Variants in ASB18 observed in about 807,000 individuals in gnomAD.
ASB18 encodes ankyrin repeat and SOCS box protein 18.
In ASB18, 33 loss-of-function variants were observed where a neutral mutation model predicts 33.4. That is an observed-to-expected ratio of 0.99 (90% CI 0.75 to 1.32). ASB18 has a LOEUF of 1.32. ASB18 is among the 40% of genes most tolerant of loss of function. The pLI is 0.00. For missense variants in ASB18, 694 were observed against 655.5 expected, an observed-to-expected ratio of 1.06 and a Z score of -0.64; for synonymous variants, 295 against 307.6, an observed-to-expected ratio of 0.96 and a Z score of 0.43.
rs1359729520 is a variant in ASB18 at position 236,223,552 on chromosome 2, T to A, written c.597-8686A>T. Among the ~76,000 whole-genome samples, 2 of 152,258 alleles carry A rather than the reference T, an allele frequency of 1.3e-5. No individual in the cohort carries two copies. The highest frequency in any genetic ancestry group is 2.9e-5 in the Non-Finnish European group (2 of 68,048). On this transcript the variant is annotated intron_variant, in intron 3 of 5. Transcript: ENST00000409749. The surrounding 1 kb of genome is among the most constrained non-coding windows in gnomAD (Gnocchi z 4.6). ...ATGTATATTTTAATACAATAACTTC[T>A]GTGAGGTACACACGCAGAAATGCAC...
At position 236,259,473 on chromosome 2, in the gene ASB18, G is replaced by T. The variant is rs2106287413; in HGVS notation, c.205+4668C>A. The T allele has an allele frequency of 2.1e-6, 1 of 469,370 alleles. No individual in the cohort carries two copies. The highest frequency in any genetic ancestry group is 1.6e-5 in the South Asian group (1 of 64,376). The allele number at this position is 469,370 out of a possible 1,614,324, so 29.1% of individuals were successfully genotyped here. A position where few individuals can be genotyped will look rare whatever the true frequency, so the allele number is the denominator to read the frequency against. ...TAGCAAGGCCATGCACTTCCGTAAT[G>T]GATGGAGACTAAGGGCTTTATGCTT... On this transcript the variant is annotated intron_variant, in intron 1 of 5. Coordinates refer to ENST00000409749, the MANE Select transcript of ASB18 (RefSeq NM_212556.4). The surrounding 1 kb of genome is among the most constrained non-coding windows in gnomAD (Gnocchi z 4.4).
rs1270238414 is a variant in ASB18, at chr2:236,257,126, A to T, written c.205+7015T>A. ...CGCATAATTGAGTCTGTTAGCAAGGACTTTAGCAAGAATTTTGCAATCAGC... is the reference window on the plus strand; with the variant it reads ...CGCATAATTGAGTCTGTTAGCAAGGTCTTTAGCAAGAATTTTGCAATCAGC... On this transcript the variant is annotated intron_variant, in intron 1 of 5. Coordinates refer to ENST00000409749, the MANE Select transcript of ASB18 (RefSeq NM_212556.4). This position sits in a 1 kb window ranked among gnomAD's most constrained non-coding sequence, Gnocchi z 5.5. Among the ~76,000 whole-genome samples, 1 of 152,250 alleles carries T rather than the reference A, an allele frequency of 6.6e-6. No individual in the cohort carries two copies. Among genetic ancestry groups the T allele is most frequent in the Admixed American group, 6.5e-5 (1 of 15,294 alleles).
rs1008739270 is a variant in ASB18, at chr2:236,248,259, A to G, written c.206-6857T>C. ...GAGCCCACCTGGTAGTTTCAGGCAT[A>G]ATGGGTTGGAGGTGCAGCCTGGGCA... is the stretch of plus-strand genomic sequence containing the variant. On this transcript the variant is annotated intron_variant, in intron 1 of 5. Transcript: ENST00000409749. This position sits in a 1 kb window ranked among gnomAD's most constrained non-coding sequence, Gnocchi z 4.9. 31 of 152,204 alleles carry G rather than the reference A, an allele frequency of 2.0e-4. No individual in the cohort carries two copies. The highest frequency in any genetic ancestry group is 7.2e-4 in the African/African-American group (30 of 41,450). 9.4% of individuals were successfully genotyped at this position (152,204 alleles called of 1,614,324 possible).
Position 236,208,742 on chromosome 2 carries a change from GCC to G in ASB18, c.1101+5618_1101+5619del, listed in dbSNP as rs1348553925. 2.0e-5 allele frequency among the ~76,000 whole-genome samples: 3 copies of G among 152,080 alleles called. No homozygotes were observed. Among genetic ancestry groups the G allele is most frequent in the African/African-American group, 7.2e-5 (3 of 41,408 alleles). On this transcript the variant is annotated intron_variant, in intron 4 of 5. Coordinates refer to ENST00000409749, the MANE Select transcript of ASB18 (RefSeq NM_212556.4). The surrounding 1 kb of genome is among the most constrained non-coding windows in gnomAD (Gnocchi z 7.7). ...TGCCCCTCCCCGTCCTCTGCATCGTGCCCCCTCATGTTTGCCAGGCAGCTGGC... is the reference window on the plus strand; with the variant it reads ...TGCCCCTCCCCGTCCTCTGCATCGTGCCCTCATGTTTGCCAGGCAGCTGGC...
rs531689898 is a variant in ASB18, at chr2:236,213,818, T to C, written c.1101+544A>G. On this transcript the variant is annotated intron_variant, in intron 4 of 5. Coordinates refer to ENST00000409749, the MANE Select transcript of ASB18 (RefSeq NM_212556.4). This position sits in a 1 kb window ranked among gnomAD's most constrained non-coding sequence, Gnocchi z 4.8. ...GTAGAGGGAGAATATCACCTGCCTCTCGTGTTTCACTGCAATGTGGTGAGG... is the reference window on the plus strand; with the variant it reads ...GTAGAGGGAGAATATCACCTGCCTCCCGTGTTTCACTGCAATGTGGTGAGG... 38 of 155,058 alleles carry C rather than the reference T, an allele frequency of 2.5e-4. No homozygotes were observed. Among genetic ancestry groups the C allele is most frequent in the African/African-American group, 9.1e-4 (38 of 41,582 alleles). 9.6% of individuals were successfully genotyped at this position (155,058 alleles called of 1,614,324 possible).
In ASB18 at chr2:236,203,273, C is replaced by T. The variant is rs927744170; in HGVS notation, c.1102-6888G>A. 2.0e-5 allele frequency among the ~76,000 whole-genome samples: 3 copies of T among 152,094 alleles called. No individual in the cohort carries two copies. The highest frequency in any genetic ancestry group is 4.8e-5 in the African/African-American group (2 of 41,402). On this transcript the variant is annotated intron_variant, in intron 4 of 5. Transcript: ENST00000409749. The surrounding 1 kb of genome is among the most constrained non-coding windows in gnomAD (Gnocchi z 6.0). ...AGGGGAAGATTTCTGGAAGAAGTGA[C>T]ATCCAAGCCGAGACCTGGCTCTGGA...
At chr2:236,233,367 A>G (rs1319039471) in intron 3 of ASB18, among the ~76,000 whole-genome samples, 2 of 152,148 alleles carry the variant, frequency 1.3e-5, no homozygotes, top group African/African-American at 4.8e-5. Context: ...CTTAGGATCA[A>G]CAGGAACAAG....
Position 236,195,167 on chromosome 2 carries a change from T to C in ASB18, c.1216-110A>G, listed in dbSNP as rs2060365962. On this transcript the variant is annotated intron_variant, in intron 5 of 5. Coordinates refer to ENST00000409749, the MANE Select transcript of ASB18 (RefSeq NM_212556.4). The surrounding 1 kb of genome is among the most constrained non-coding windows in gnomAD (Gnocchi z 5.5). ...AGCGGGCTTTTCTATGGCTAACTGA[T>C]CCCAGATAAGCGCACTGGAGGGAGA... 5.9e-6 allele frequency: 6 copies of C among 1,015,806 alleles called. No homozygotes were observed. The highest frequency in any genetic ancestry group is 8.6e-6 in the Non-Finnish European group (6 of 695,326). 62.9% of individuals were successfully genotyped at this position (1,015,806 alleles called of 1,614,324 possible).
rs10208497 is a variant in ASB18 at position 236,193,834 on chromosome 2, A to G, written c.*1038T>C. ...ATTCCTGGGCAAGGCCACTGTCTGT[A>G]TGGGTTTTCTCTGGGTGCTCCAGTT... On this transcript the variant is annotated 3_prime_UTR_variant, in exon 6 of 6. Transcript: ENST00000409749. The surrounding 1 kb of genome is among the most constrained non-coding windows in gnomAD (Gnocchi z 5.0). Among the ~76,000 whole-genome samples the G allele has an allele frequency of 9.5e-3, 1,435 of 151,620 alleles. 24 individuals carry two copies. Among genetic ancestry groups the G allele is most frequent in the African/African-American group, 0.033 (1,352 of 41,438 alleles).
chr2:236,241,551 C>T lies in ASB18; in HGVS notation c.206-149G>A, dbSNP rs2060621388. 3 of 877,044 alleles carry T rather than the reference C, an allele frequency of 3.4e-6. No homozygotes were observed. In the East Asian group the frequency reaches 7.9e-5, roughly 23 times the overall value. The allele number at this position is 877,044 out of a possible 1,614,324, so 54.3% of individuals were successfully genotyped here. On this transcript the variant is annotated intron_variant, in intron 1 of 5. Coordinates refer to ENST00000409749, the MANE Select transcript of ASB18 (RefSeq NM_212556.4). This position sits in a 1 kb window ranked among gnomAD's most constrained non-coding sequence, Gnocchi z 4.2. ...TGCCGTCGATTTCAGAAGAGTTCTT[C>T]AGGAACGGGAAAGATGGTCTTATGG...
chr2:236,218,279 G>A (rs1184434267), intron 3 of ASB18, among the ~76,000 whole-genome samples: 1 of 152,126 alleles, frequency 6.6e-6, no homozygotes, highest in Non-Finnish European at 1.5e-5. Context: ...TTTTAGAGTG[G>A]GCAATGATTT....
chr2:236,217,361 C>T lies in ASB18; in HGVS notation c.597-2495G>A, dbSNP rs776640663. Among the ~76,000 whole-genome samples the T allele has an allele frequency of 6.6e-6, 1 of 151,396 alleles. No individual in the cohort carries two copies. Among genetic ancestry groups the T allele is most frequent in the African/African-American group, 2.4e-5 (1 of 41,088 alleles). On this transcript the variant is annotated intron_variant, in intron 3 of 5. Transcript: ENST00000409749. This position sits in a 1 kb window ranked among gnomAD's most constrained non-coding sequence, Gnocchi z 5.2. Reference sequence around the variant, plus strand: ...GGTGGAGGTTGCAGTGAGCCAAGATCGTGCCCCTGAACTCCATCCAGCCTG... The same window carrying T: ...GGTGGAGGTTGCAGTGAGCCAAGATTGTGCCCCTGAACTCCATCCAGCCTG...
At chr2:236,236,869 T>C (rs1199103512) in intron 3 of ASB18, among the ~76,000 whole-genome samples, 2 of 152,058 alleles carry the variant, frequency 1.3e-5, no homozygotes, top group Non-Finnish European at 2.9e-5. Context: ...CAATGACAAC[T>C]CCAAGGGCAG....
At position 236,262,627 on chromosome 2, in the gene ASB18, A is replaced by C. The variant is rs748114530; in HGVS notation, c.205+1514T>G. On this transcript the variant is annotated intron_variant, in intron 1 of 5. Coordinates refer to ENST00000409749, the MANE Select transcript of ASB18 (RefSeq NM_212556.4). The surrounding 1 kb of genome is among the most constrained non-coding windows in gnomAD (Gnocchi z 5.2). ...GGGTGCTTGGGCACGGTGGGCCTAA[A>C]GGGTGAATGCAAGATGTACAGCTCA... Among the ~76,000 whole-genome samples the C allele has an allele frequency of 3.3e-5, 5 of 152,166 alleles. No homozygotes were observed. The highest frequency in any genetic ancestry group is 6.5e-5 in the Admixed American group (1 of 15,278).
rs894038824 is a variant in ASB18, at chr2:236,196,542, G to A, written c.1102-157C>T. Among the ~76,000 whole-genome samples the A allele has an allele frequency of 1.3e-5, 2 of 152,196 alleles. No individual in the cohort carries two copies. Among genetic ancestry groups the A allele is most frequent in the African/African-American group, 4.8e-5 (2 of 41,452 alleles). The stretch of plus-strand genomic sequence containing the variant: ...AGCAACAGAGCAGTACCACAGGGTT[G>A]CTGCAGGGATCACATGAATTAGTGC... On this transcript the variant is annotated intron_variant, in intron 4 of 5. Transcript: ENST00000409749. This position sits in a 1 kb window ranked among gnomAD's most constrained non-coding sequence, Gnocchi z 5.6.
chr2:236,237,890 T>C lies in ASB18; in HGVS notation c.395A>G (p.His132Arg). 1 of 1,493,000 alleles carries C rather than the reference T, an allele frequency of 6.7e-7. No homozygotes were observed. The highest frequency in any genetic ancestry group is 8.9e-7 in the Non-Finnish European group (1 of 1,128,580). 92.5% of individuals were successfully genotyped at this position (1,493,000 alleles called of 1,614,324 possible). ...GAGCAGGTGTCGCACGCAGGCGGTG[T>C]GGCCGTGGGCCGCGGCGATGCACAG... ...TPLCIAAAHG[H>R]TACVRHLLGR... Residue 132 changes from histidine to arginine, a missense_variant, in exon 3 of 6, where the codon CAC becomes CGC. His to Arg is a conservative substitution (Grantham distance 29). Coordinates refer to ENST00000409749, the MANE Select transcript of ASB18 (RefSeq NM_212556.4). This position sits in a 1 kb window ranked among gnomAD's most constrained non-coding sequence, Gnocchi z 6.2.
rs781403341 is a variant in ASB18 at position 236,241,530 on chromosome 2, G to A, written c.206-128C>T. The A allele has an allele frequency of 9.7e-6, 10 of 1,026,680 alleles. No individual in the cohort carries two copies. The highest frequency in any genetic ancestry group is 2.6e-5 in the East Asian group (1 of 38,856). The allele number at this position is 1,026,680 out of a possible 1,614,324, so 63.6% of individuals were successfully genotyped here. On this transcript the variant is annotated intron_variant, in intron 1 of 5. Transcript: ENST00000409749. The surrounding 1 kb of genome is among the most constrained non-coding windows in gnomAD (Gnocchi z 4.2). The stretch of plus-strand genomic sequence containing the variant: ...CTGGCTGTCTCTCCATTGAGATGCC[G>A]TCGATTTCAGAAGAGTTCTTCAGGA...
chr2:236,215,565 ACGAG>A lies in ASB18; in HGVS notation c.597-703_597-700del, dbSNP rs1308020133. 6.6e-6 allele frequency among the ~76,000 whole-genome samples: 1 copy of A among 152,022 alleles called. No individual in the cohort carries two copies. The highest frequency in any genetic ancestry group is 2.4e-5 in the African/African-American group (1 of 41,372). The stretch of plus-strand genomic sequence containing the variant: ...TGGGAGCCTGCGGTCTTCCCCAGAG[ACGAG>A]TGTCTTCCTTCTGCTGCCTCCAGGA... On this transcript the variant is annotated intron_variant, in intron 3 of 5. Transcript: ENST00000409749. This position sits in a 1 kb window ranked among gnomAD's most constrained non-coding sequence, Gnocchi z 7.2.
Position 236,214,207 on chromosome 2 carries a change from C to T in ASB18, c.1101+155G>A. On this transcript the variant is annotated intron_variant, in intron 4 of 5. Transcript: ENST00000409749. The surrounding 1 kb of genome is among the most constrained non-coding windows in gnomAD (Gnocchi z 6.5). ...TTGTTGGCAATGCAGGCTCTCCCAC[C>T]CCAGACCGGCAGAGCAGATTCTGCA... 1.3e-6 allele frequency: 1 copy of T among 799,206 alleles called. No homozygotes were observed. The highest frequency in any genetic ancestry group is 1.9e-6 in the Non-Finnish European group (1 of 530,506). The allele number at this position is 799,206 out of a possible 1,614,324, so 49.5% of individuals were successfully genotyped here.
Sources: allele counts gnomAD v4.1 joint callset (sites outside exome capture counted in the v4.1 genomes callset), GRCh38; gene constraint gnomAD v4.1.1; non-coding constraint Gnocchi (gnomAD v3.1); transcripts MANE v1.5; gene names NCBI Gene and HGNC (gene_info 2026-07-23, HGNC 2026-07-21).